DLG1: variants seen among roughly 807,000 people sequenced by gnomAD.
The protein encoded by DLG1 is disks large homolog 1.
A neutral mutation model predicts 123.4 loss-of-function variants in DLG1; 42 were observed. The observed-to-expected ratio is 0.34, with a 90% CI of 0.27 to 0.44. The LOEUF is 0.44. Among genes scored for constraint, DLG1 ranks in the 20% least tolerant of loss-of-function variants. The pLI is 1.00. For synonymous variants in DLG1, 317 were observed against 356.2 expected, an observed-to-expected ratio of 0.89 and a Z score of 1.24; for missense variants, 942 against 1,082.6, an observed-to-expected ratio of 0.87 and a Z score of 1.82.
At position 197,044,573 on chromosome 3, in the gene DLG1, T is replaced by C. The variant is rs777570283; in HGVS notation, c.*50A>G. On this transcript the variant is annotated 3_prime_UTR_variant, in exon 25 of 25. Transcript: ENST00000667157. ...GACTCCAGAGGAAAGGGCAAAGAGA[T>C]GCCAAAGAAAATGGAATTGTGGAAA... The C allele has an allele frequency of 5.3e-6, 7 of 1,333,166 alleles. No individual in the cohort carries two copies. In the Admixed American group the frequency reaches 8.9e-5, roughly 17 times the overall value. 82.6% of individuals were successfully genotyped at this position (1,333,166 alleles called of 1,614,324 possible). A position where few individuals can be genotyped will look rare whatever the true frequency, so the allele number is the denominator to read the frequency against.
upstream of DLG1, chr3:197,298,627 G>C (rs559217914): frequency 5.0e-6 from 1 of 198,210 alleles, no homozygotes; most frequent in East Asian, 1.1e-4. Flanking sequence ...CCCCACCGGG[G>C]AAAAGCCGCC....
intron 22 of DLG1, among the ~76,000 whole-genome samples, 200 bp downstream of exon 22, chr3:197,065,076 A>G (rs1242840494): frequency 6.6e-6 from 1 of 150,764 alleles, no homozygotes; most frequent in African/African-American, 2.4e-5. Flanking sequence ...TATCATTTCT[A>G]TTTTCACTTT....
intron 23 of DLG1, among the ~76,000 whole-genome samples, chr3:197,057,004 T>A (rs1298142410): frequency 6.6e-6 from 1 of 152,262 alleles, no homozygotes; most frequent in African/African-American, 2.4e-5. Context: ...TGTTTCATTG[T>A]GAACATGTCA....
At chr3:197,281,560 CAA>C (rs1056340571) in intron 4 of DLG1, among the ~76,000 whole-genome samples, 4 of 151,860 alleles carry the variant, frequency 2.6e-5, no homozygotes, top group Non-Finnish European at 4.4e-5. Context: ...TGTATTAACC[CAA>C]AGAGTATGGA....
At chr3:197,072,353 C>T (rs1399903573) in intron 18 of DLG1, among the ~76,000 whole-genome samples, 1 of 151,996 alleles carries the variant, frequency 6.6e-6, no homozygotes, top group Admixed American at 6.5e-5. Flanking sequence ...CCAATTTACA[C>T]TCCCATACAT....
chr3:197,076,565 C>A lies in DLG1; in HGVS notation c.2005+21G>T, dbSNP rs749923668. ...CCCTCTCCATTTTATTTTCAGTTGA[C>A]CACTGGATCCACATACTTACGGTCA... On this transcript the variant is annotated intron_variant, in intron 18 of 24. Coordinates refer to ENST00000667157, the MANE Select transcript of DLG1 (RefSeq NM_001366207.1). 10 of 1,579,094 alleles carry A rather than the reference C, an allele frequency of 6.3e-6. No individual in the cohort carries two copies. In the East Asian group the frequency reaches 2.3e-4, roughly 36 times the overall value.
chr3:197,167,030 A>C (rs897929826), intron 5 of DLG1, among the ~76,000 whole-genome samples: 3 of 152,078 alleles, frequency 2.0e-5, no homozygotes, highest in Admixed American at 1.3e-4. Flanking sequence ...TAAGGGAAGT[A>C]CTCAAAGAGG....
intron 4 of DLG1, among the ~76,000 whole-genome samples, chr3:197,241,758 A>C (rs1449601359): frequency 1.3e-5 from 2 of 152,200 alleles, no homozygotes; most frequent in Non-Finnish European, 2.9e-5. Context: ...TTTGTGATCT[A>C]AGATAAGTTG....
At chr3:197,145,963 C>A (rs1175631135) in intron 6 of DLG1, among the ~76,000 whole-genome samples, 1 of 151,554 alleles carries the variant, frequency 6.6e-6, no homozygotes, top group Non-Finnish European at 1.5e-5. Flanking sequence ...GTACTCCAAC[C>A]TGGGCAACAA....
In DLG1 at chr3:197,065,167, T is replaced by TC; in HGVS notation, c.2373+108dup. The TC allele has an allele frequency of 1.9e-6, 2 of 1,036,738 alleles. 1 individual carries two copies. Among genetic ancestry groups the TC allele is most frequent in the South Asian group, 6.4e-5 (2 of 31,064 alleles). 64.2% of individuals were successfully genotyped at this position (1,036,738 alleles called of 1,614,324 possible). On this transcript the variant is annotated intron_variant, in intron 22 of 24. Coordinates refer to ENST00000667157, the MANE Select transcript of DLG1 (RefSeq NM_001366207.1). The stretch of plus-strand genomic sequence containing the variant: ...AAATTAATTATTTAGGTAAGCAAAT[T>TC]CATCACATTAACAAAACTAATTAGT...
intron 7 of DLG1, among the ~76,000 whole-genome samples, chr3:197,141,765 CA>C (rs11318536): frequency 0.16 from 24,260 of 152,082 alleles, 2,045 homozygotes; most frequent in African/African-American, 0.2. Flanking sequence ...CTCTGTCACC[CA>C]GGCTAGAGTG....
intron 17 of DLG1, chr3:197,080,835 A>G (rs142247217): frequency 0.014 from 5,722 of 394,840 alleles, 75 homozygotes; most frequent in Non-Finnish European, 0.016. Flanking sequence ...AGCTTGACCC[A>G]AAAGTATGTT....
At chr3:197,047,968 C>A (rs1257197849) in intron 24 of DLG1, among the ~76,000 whole-genome samples, 2 of 151,962 alleles carry the variant, frequency 1.3e-5, no homozygotes, top group South Asian at 2.1e-4. Flanking sequence ...AAAAGGCAAC[C>A]TATGGAAGAG....
chr3:197,138,354 C>G lies in DLG1; in HGVS notation c.751G>C (p.Val251Leu), dbSNP rs375786565. The G allele has an allele frequency of 1.3e-6, 2 of 1,558,524 alleles. No homozygotes were observed. The highest frequency in any genetic ancestry group is 8.7e-7 in the Non-Finnish European group (1 of 1,146,384). The change falls in exon 9 of 25, where the codon GTT becomes CTT. Residue 251 changes from valine to leucine, a missense_variant. By Grantham distance (32) the Val-to-Leu change is conservative. Coordinates refer to ENST00000667157, the MANE Select transcript of DLG1 (RefSeq NM_001366207.1). ...GCTTTGCTATGTGTTACATCACGAA[C>G]ATCTACTTCATTTACTCGTAATATA... ...DCILRVNEVD[V>L]RDVTHSKAVE...
intron 14 of DLG1, among the ~76,000 whole-genome samples, chr3:197,103,462 A>G (rs1168363961): frequency 6.6e-6 from 1 of 152,132 alleles, no homozygotes; most frequent in African/African-American, 2.4e-5. Flanking sequence ...ACGGGGTGGA[A>G]TATGTTGGCC....
chr3:197,209,286 T>C (rs543676857), intron 4 of DLG1, among the ~76,000 whole-genome samples: 1 of 146,844 alleles, frequency 6.8e-6, no homozygotes, highest in East Asian at 2.0e-4. Flanking sequence ...ACAGAGTATT[T>C]ATCTAAAGAA....
intron 23 of DLG1, among the ~76,000 whole-genome samples, chr3:197,053,084 G>T (rs1729068378): frequency 6.6e-6 from 1 of 152,218 alleles, no homozygotes; most frequent in Admixed American, 6.5e-5. Context: ...TGGAATGAAG[G>T]TGTAAGGAGG....
At position 197,075,591 on chromosome 3, in the gene DLG1, A is replaced by G. The variant is rs1027108942; in HGVS notation, c.2005+995T>C. On this transcript the variant is annotated intron_variant, in intron 18 of 24. Coordinates refer to ENST00000667157, the MANE Select transcript of DLG1 (RefSeq NM_001366207.1). Reference sequence around the variant, plus strand: ...CAAAAGTAACTGTCGTAAAAATTACAAAAAGGAAAATATAGTTACGAGCAA... The same window carrying G: ...CAAAAGTAACTGTCGTAAAAATTACGAAAAGGAAAATATAGTTACGAGCAA... 3.9e-5 allele frequency among the ~76,000 whole-genome samples: 6 copies of G among 152,172 alleles called. No homozygotes were observed. The East Asian group carries it at 9.6e-4, about 24-fold the overall frequency.
At chr3:197,294,518 C>A (rs1486385493) in intron 3 of DLG1, among the ~76,000 whole-genome samples, 1 of 152,052 alleles carries the variant, frequency 6.6e-6, no homozygotes, top group Admixed American at 6.6e-5. Flanking sequence ...ATTAGCCGGA[C>A]GTGGTGGTGG....
Sources: allele counts gnomAD v4.1 joint callset (sites outside exome capture counted in the v4.1 genomes callset), GRCh38; gene constraint gnomAD v4.1.1; transcripts MANE v1.5; gene names NCBI Gene and HGNC (gene_info 2026-07-23, HGNC 2026-07-21).